METRNL: variants seen among roughly 807,000 people sequenced by gnomAD.
METRNL encodes the protein meteorin like, glial cell differentiation regulator, also known as meteorin-like protein.
METRNL carries 9 observed loss-of-function variants against 17.4 expected under a neutral mutation model. The ratio of observed to expected loss-of-function variants is 0.52; its 90% CI spans 0.31 to 0.90. The LOEUF (loss-of-function observed/expected upper bound fraction) is 0.90, where lower values mean the gene tolerates loss of function less well. Among genes scored for constraint, METRNL ranks in the 40% least tolerant of loss-of-function variants. The pLI is 0.05. For synonymous variants in METRNL, 215 were observed against 199.3 expected, an observed-to-expected ratio of 1.08 and a Z score of -0.66; for missense variants, 408 against 430.7, an observed-to-expected ratio of 0.95 and a Z score of 0.47.
At chr17:83,083,256 T>C (rs2038010598) in intron 1 of METRNL, among the ~76,000 whole-genome samples, 1 of 152,170 alleles carries the variant, frequency 6.6e-6, no homozygotes, top group South Asian at 2.1e-4. Context: ...ATGAAGGCAG[T>C]GCTGTCAGAG....
chr17:83,084,874 G>A, intron 1 of METRNL, 64 bp from the exon 2 acceptor site: 1 of 1,548,056 alleles, frequency 6.5e-7, no homozygotes. Context: ...CTGACTCTCT[G>A]TGGGTGCGGG....
chr17:83,081,436 C>T (rs2037987176), intron 1 of METRNL, among the ~76,000 whole-genome samples: 1 of 152,098 alleles, frequency 6.6e-6, no homozygotes, highest in Non-Finnish European at 1.5e-5. Flanking sequence ...GACTGTGTGC[C>T]CGGTAGGAGG....
At chr17:83,093,119 G>C in intron 2 of METRNL, 48 bp from the exon 3 acceptor site, 3 of 1,536,176 alleles carry the variant, frequency 2.0e-6, no homozygotes, top group Non-Finnish European at 2.7e-6. Context: ...CGGCGTTCCA[G>C]AGCCTGTCCC....
chr17:83,079,738 C>T lies in METRNL; in HGVS notation c.-78C>T. 1 of 658,026 alleles carries T rather than the reference C, an allele frequency of 1.5e-6. No individual in the cohort carries two copies. The highest frequency in any genetic ancestry group is 1.4e-4 in the East Asian group (1 of 7,116). 40.8% of individuals were successfully genotyped at this position (658,026 alleles called of 1,614,324 possible). ...ACCCGGACTCGAAGCCCGCCCCGCC[C>T]CCGCCCGGCTCGCCGGCTCCGGGGT... On this transcript the variant is annotated 5_prime_UTR_variant, in exon 1 of 4. Coordinates refer to ENST00000320095, the MANE Select transcript of METRNL (RefSeq NM_001004431.3).
chr17:83,088,741 C>A (rs971771079), intron 2 of METRNL, among the ~76,000 whole-genome samples: 1 of 149,956 alleles, frequency 6.7e-6, no homozygotes, highest in Non-Finnish European at 1.5e-5. Flanking sequence ...TGGCTGAGCC[C>A]GTAGGTGAAT....
At chr17:83,080,686 C>G (rs1411843556) in intron 1 of METRNL, among the ~76,000 whole-genome samples, 1 of 147,254 alleles carries the variant, frequency 6.8e-6, no homozygotes, top group East Asian at 2.0e-4. Context: ...GCCGCCGCCG[C>G]TCCCACGCGA....
intron 2 of METRNL, among the ~76,000 whole-genome samples, chr17:83,090,826 A>G (rs1173022267): frequency 1.3e-5 from 2 of 151,830 alleles, no homozygotes; most frequent in Non-Finnish European, 2.9e-5. Flanking sequence ...GAAATTTGAG[A>G]TCCCCCAGTG....
At position 83,094,643 on chromosome 17, in the gene METRNL, G is replaced by T; in HGVS notation, c.*68G>T. ...TGCGGTGGGCGCTGCGGTCCTGGTGGGGCCGTGCGGTGAGGGCCGCGCGCT... is the reference window on the plus strand; with the variant it reads ...TGCGGTGGGCGCTGCGGTCCTGGTGTGGCCGTGCGGTGAGGGCCGCGCGCT... On this transcript the variant is annotated 3_prime_UTR_variant, in exon 4 of 4. Coordinates refer to ENST00000320095, the MANE Select transcript of METRNL (RefSeq NM_001004431.3). The T allele has an allele frequency of 4.6e-6, 6 of 1,316,762 alleles. No homozygotes were observed. Among genetic ancestry groups the T allele is most frequent in the Non-Finnish European group, 5.9e-6 (6 of 1,012,980 alleles). 81.6% of individuals were successfully genotyped at this position (1,316,762 alleles called of 1,614,324 possible). A position where few individuals can be genotyped will look rare whatever the true frequency, so the allele number is the denominator to read the frequency against.
chr17:83,084,959 C>A lies in METRNL; in HGVS notation c.192C>A (p.His64Gln). ...GCAGCGGGCTGACGCACGAGGCACACAGGAAGGAGGTGGAGCAGGTGTATC... is the reference window on the plus strand; with the variant it reads ...GCAGCGGGCTGACGCACGAGGCACAAAGGAAGGAGGTGGAGCAGGTGTATC... ...WKGSGLTHEAHRKEVEQVYLR... is the reference protein window; with the variant it reads ...WKGSGLTHEAQRKEVEQVYLR... The change falls in exon 2 of 4, where the codon CAC becomes CAA. Residue 64 changes from histidine (H) to glutamine (Q), a missense_variant. By Grantham distance (24) the His-to-Gln change is conservative. Transcript: ENST00000320095. 6.2e-7 allele frequency: 1 copy of A among 1,612,498 alleles called. No homozygotes were observed. The highest frequency in any genetic ancestry group is 1.1e-5 in the South Asian group (1 of 91,042).
In METRNL at chr17:83,082,089, GA is replaced by G. The variant is rs1395310990; in HGVS notation, c.170+2107del. 1.4e-5 allele frequency: 14 copies of G among 985,408 alleles called. No individual in the cohort carries two copies. The African/African-American group carries it at 2.3e-4, about 16-fold the overall frequency. 61.0% of individuals were successfully genotyped at this position (985,408 alleles called of 1,614,324 possible). A position where few individuals can be genotyped will look rare whatever the true frequency, so the allele number is the denominator to read the frequency against. Reference sequence around the variant, plus strand: ...TCTAAGCAGTTAAGTAGGAGATGATGAAACCTCCCTTCCGTGGGGGGAGGCG... The same window carrying G: ...TCTAAGCAGTTAAGTAGGAGATGATGAACCTCCCTTCCGTGGGGGGAGGCG... On this transcript the variant is annotated intron_variant, in intron 1 of 3. Transcript: ENST00000320095.
chr17:83,080,857 G>GGCCCCCGCCCCCGCCCCC (rs533735221), intron 1 of METRNL, among the ~76,000 whole-genome samples: 2 of 150,556 alleles, frequency 1.3e-5, no homozygotes, highest in South Asian at 2.1e-4. Flanking sequence ...CCCTCGGCGC[G>GGCCCCCGCCCCCGCCCCC]GCCCCCGCCC....
rs2038181057 is a variant in METRNL at position 83,094,590 on chromosome 17, G to A, written c.*15G>A. 1 of 1,437,364 alleles carries A rather than the reference G, an allele frequency of 7.0e-7. No individual in the cohort carries two copies. Among genetic ancestry groups the A allele is most frequent in the Non-Finnish European group, 9.2e-7 (1 of 1,090,866 alleles). 89.0% of individuals were successfully genotyped at this position (1,437,364 alleles called of 1,614,324 possible). A position where few individuals can be genotyped will look rare whatever the true frequency, so the allele number is the denominator to read the frequency against. ...GCACGGACTGACTCCGTGGGCCGCT[G>A]CCCTTCCTCTCCTGATGAGTCACAG... On this transcript the variant is annotated 3_prime_UTR_variant, in exon 4 of 4. Coordinates refer to ENST00000320095, the MANE Select transcript of METRNL (RefSeq NM_001004431.3).
intron 2 of METRNL, among the ~76,000 whole-genome samples, chr17:83,089,586 C>A (rs962508714): frequency 5.3e-5 from 8 of 152,012 alleles, no homozygotes; most frequent in African/African-American, 1.9e-4. Flanking sequence ...CTGAGATGTC[C>A]ACACCCCAGC....
chr17:83,080,601 CTTTTTTTTT>C (rs563834169), intron 1 of METRNL, among the ~76,000 whole-genome samples: 1 of 52,148 alleles, frequency 1.9e-5, no homozygotes, highest in Admixed American at 2.5e-4. Context: ...CGGCCGAGGA[CTTTTTTTTT>C]TTTTTTTTTT....
intron 1 of METRNL, among the ~76,000 whole-genome samples, chr17:83,081,785 G>C (rs1231626828): frequency 6.6e-6 from 1 of 152,242 alleles, no homozygotes; most frequent in Non-Finnish European, 1.5e-5. Flanking sequence ...GGGCCCGGCT[G>C]TGTTTCTGGG....
chr17:83,082,130 T>C, intron 1 of METRNL: 1 of 985,436 alleles, frequency 1.0e-6, no homozygotes, highest in Non-Finnish European at 1.2e-6. Flanking sequence ...CAGCGCCCCG[T>C]CTTTATCAGC....
At chr17:83,090,573 C>T (rs1333531160) in intron 2 of METRNL, among the ~76,000 whole-genome samples, 2 of 144,470 alleles carry the variant, frequency 1.4e-5, no homozygotes, top group African/African-American at 2.6e-5. Flanking sequence ...CACCTCCTGC[C>T]TCCTGCCTTT....
intron 1 of METRNL, chr17:83,082,124 G>A (rs1019967525): frequency 7.1e-6 from 7 of 985,312 alleles, no homozygotes; most frequent in South Asian, 4.7e-5. Flanking sequence ...CGGGACCAGC[G>A]CCCCGTCTTT....
chr17:83,085,307 C>T lies in METRNL; in HGVS notation c.540C>T (p.Asp180=). 6.6e-7 allele frequency: 1 copy of T among 1,526,536 alleles called. No individual in the cohort carries two copies. The highest frequency in any genetic ancestry group is 1.3e-5 in the South Asian group (1 of 77,140). 94.6% of individuals were successfully genotyped at this position (1,526,536 alleles called of 1,614,324 possible). The part of the protein sequence containing the change: ...YELVRRHRAS[D]LHELSAPCRP... ...TGGTTAGGAGGCACAGGGCGTCGGA[C>T]CTGCACGAGCTGTCTGGTGAGTGTC... Residue 180 remains aspartate (D), a synonymous_variant, in exon 2 of 4, where the codon GAC becomes GAT. Coordinates refer to ENST00000320095, the MANE Select transcript of METRNL (RefSeq NM_001004431.3).
Sources: allele counts gnomAD v4.1 joint callset (sites outside exome capture counted in the v4.1 genomes callset), GRCh38; gene constraint gnomAD v4.1.1; transcripts MANE v1.5; gene names NCBI Gene and HGNC (gene_info 2026-07-23, HGNC 2026-07-21).